DOCK8: variants seen among roughly 807,000 people sequenced by gnomAD.
DOCK8 encodes dedicator of cytokinesis protein 8.
DOCK8 carries 141 observed loss-of-function variants against 245.6 expected under a neutral mutation model. That is an observed-to-expected ratio of 0.57 (90% CI 0.50 to 0.66). DOCK8 has a LOEUF of 0.66. Ranked by LOEUF, DOCK8 falls within the 30% of genes least tolerant of loss-of-function variation. DOCK8 has a pLI of 0.00. For synonymous variants in DOCK8, 1,168 were observed against 970.2 expected (o/e 1.20, Z -3.79); for missense variants, 2,965 against 2,603.4 (o/e 1.14, Z -3.02).
chr9:420,280 T>C (rs1351741213), intron 30 of DOCK8, 121 bp from the exon 31 acceptor site: 9 of 1,068,006 alleles, frequency 8.4e-6, no homozygotes, highest in African/African-American at 1.6e-5. Context: ...AGCAGTGATG[T>C]ACAGTCATGG....
At chr9:447,808 AG>A (rs1358204781) in intron 44 of DOCK8, among the ~76,000 whole-genome samples, 2 of 152,212 alleles carry the variant, frequency 1.3e-5, no homozygotes, top group Non-Finnish European at 2.9e-5. Flanking sequence ...GTCATCCAGC[AG>A]GTAGTGTTCA....
chr9:425,761 GA>G lies in DOCK8; in HGVS notation c.4242-1107del, dbSNP rs375380501. Among the ~76,000 whole-genome samples the G allele has an allele frequency of 9.9e-3, 1,001 of 101,112 alleles. 5 individuals carry two copies. Among genetic ancestry groups the G allele is most frequent in the African/African-American group, 0.03 (814 of 27,418 alleles). The allele number at this position is 101,112 out of a possible 152,430, so 66.3% of individuals were successfully genotyped here. A position where few individuals can be genotyped will look rare whatever the true frequency, so the allele number is the denominator to read the frequency against. ...GATAGAGCAAGACCCTGTCTCTAAGGAAAAAAAAAAAAAAAAACTTTTAGAT... is the reference window on the plus strand; with the variant it reads ...GATAGAGCAAGACCCTGTCTCTAAGGAAAAAAAAAAAAAAAACTTTTAGAT... On this transcript the variant is annotated intron_variant, in intron 33 of 47. Coordinates refer to ENST00000432829, the MANE Select transcript of DOCK8 (RefSeq NM_203447.4).
chr9:330,419 T>C (rs1766459981), intron 9 of DOCK8, among the ~76,000 whole-genome samples: 1 of 152,144 alleles, frequency 6.6e-6, no homozygotes, highest in Non-Finnish European at 1.5e-5. Flanking sequence ...ATGTTAAATT[T>C]CCCATCTTAA....
At chr9:449,434 A>G (rs1181212341) in intron 44 of DOCK8, among the ~76,000 whole-genome samples, 1 of 152,154 alleles carries the variant, frequency 6.6e-6, no homozygotes, top group African/African-American at 2.4e-5. Context: ...AAAAACATGG[A>G]CTTTGAAGAT....
chr9:452,251 T>C, intron 46 of DOCK8, 134 bp downstream of exon 46: 1 of 647,910 alleles, frequency 1.5e-6, no homozygotes, highest in Non-Finnish European at 2.8e-6. Flanking sequence ...CCTGCTGAAT[T>C]GGAATCTCTG....
chr9:239,980 C>G (rs1362673100), intron 1 of DOCK8, among the ~76,000 whole-genome samples: 1 of 152,142 alleles, frequency 6.6e-6, no homozygotes, highest in Middle Eastern at 3.2e-3. Context: ...AAACAGTACA[C>G]CACTGAATAA....
At chr9:414,679 C>A in intron 28 of DOCK8, 103 bp from the exon 29 acceptor site, 1 of 1,414,736 alleles carries the variant, frequency 7.1e-7, no homozygotes, top group South Asian at 1.2e-5. Flanking sequence ...TTTTCACAGT[C>A]ACCTCATTGC....
At chr9:334,573 T>C (rs1563933523) in intron 11 of DOCK8, among the ~76,000 whole-genome samples, 189 bp downstream of exon 11, 1 of 152,170 alleles carries the variant, frequency 6.6e-6, no homozygotes, top group African/African-American at 2.4e-5. Flanking sequence ...AAAGAAATTA[T>C]CACGAACATT....
Position 399,211 on chromosome 9 carries a change from C to T in DOCK8, c.3186C>T (p.Leu1062=). The T allele has an allele frequency of 1.2e-6, 2 of 1,614,058 alleles. No homozygotes were observed. The highest frequency in any genetic ancestry group is 1.7e-6 in the Non-Finnish European group (2 of 1,180,000). The change falls in exon 26 of 48, where the codon CTC becomes CTT. Residue 1062 remains leucine, a synonymous_variant. Coordinates refer to ENST00000432829, the MANE Select transcript of DOCK8 (RefSeq NM_203447.4). ...TCTTCTTGTATGACCTTCTCTCCCT[C>T]ATGGATCGGGGCTTTGTGTTTAACC... ...LAFFLYDLLS[L]MDRGFVFNLI...
intron 5 of DOCK8, among the ~76,000 whole-genome samples, chr9:308,865 G>A (rs1219755598): frequency 2.6e-5 from 4 of 152,166 alleles, no homozygotes; most frequent in African/African-American, 9.7e-5. Flanking sequence ...CACCATGTTA[G>A]CCAGGATGGT....
In DOCK8 at chr9:242,979, A is replaced by AT. The variant is rs552332984; in HGVS notation, c.53+27954dup. Among the ~76,000 whole-genome samples, 39 of 152,268 alleles carry AT rather than the reference A, an allele frequency of 2.6e-4. No homozygotes were observed. The East Asian group carries it at 7.1e-3, about 28-fold the overall frequency. Reference sequence around the variant, plus strand: ...TCTCTTCATCGGAACTTGGAATATGATTTTAAGAGTTTTTTCTATCTTTTC... The same window carrying AT: ...TCTCTTCATCGGAACTTGGAATATGATTTTTAAGAGTTTTTTCTATCTTTTC... On this transcript the variant is annotated intron_variant, in intron 1 of 47. Transcript: ENST00000432829.
intron 14 of DOCK8, among the ~76,000 whole-genome samples, chr9:359,712 C>A (rs1062300): frequency 0.26 from 38,727 of 150,402 alleles, 5,145 homozygotes; most frequent in Middle Eastern, 0.31. Context: ...AAGCGCCAAC[C>A]TTTTCCTGTA....
chr9:220,228 G>A (rs917795303), intron 1 of DOCK8, among the ~76,000 whole-genome samples: 1 of 152,182 alleles, frequency 6.6e-6, no homozygotes, highest in Non-Finnish European at 1.5e-5. Context: ...CAGATTCTTG[G>A]AAAAGGTCCA....
At chr9:405,265 C>A (rs1243791246) in intron 27 of DOCK8, among the ~76,000 whole-genome samples, 192 bp downstream of exon 27, 1 of 152,158 alleles carries the variant, frequency 6.6e-6, no homozygotes, top group Non-Finnish European at 1.5e-5. Flanking sequence ...TAATTGGTTT[C>A]TCCCCAGGCT....
In DOCK8 at chr9:338,490, C is replaced by G. The variant is rs74453358; in HGVS notation, c.1423-516C>G. Among the ~76,000 whole-genome samples, 26 of 152,254 alleles carry G rather than the reference C, an allele frequency of 1.7e-4. 2 individuals are homozygous for G. In the East Asian group the frequency reaches 4.8e-3, roughly 28 times the overall value. ...GAATAAGACATATCTACCCACTTAC[C>G]TTACTGGGTTGTTGTAAGGATTGGA... On this transcript the variant is annotated intron_variant, in intron 12 of 47. Transcript: ENST00000432829.
intron 2 of DOCK8, among the ~76,000 whole-genome samples, chr9:286,205 A>G (rs1229313031): frequency 2.0e-5 from 3 of 152,206 alleles, no homozygotes; most frequent in Admixed American, 1.3e-4. Flanking sequence ...TCAAGTTGCA[A>G]TTAAGGAGAG....
Position 371,584 on chromosome 9 carries a change from T to C in DOCK8, c.2007+18T>C, listed in dbSNP as rs2053287332. On this transcript the variant is annotated intron_variant, in intron 17 of 47. Coordinates refer to ENST00000432829, the MANE Select transcript of DOCK8 (RefSeq NM_203447.4). ...GATATTCAGTGAGTTGTTTCCAGCC[T>C]GCTGACTCACACTGCAGTTGTTGGT... The C allele has an allele frequency of 6.2e-7, 1 of 1,614,120 alleles. No individual in the cohort carries two copies. The highest frequency in any genetic ancestry group is 8.5e-7 in the Non-Finnish European group (1 of 1,179,990).
chr9:338,999 T>C lies in DOCK8; in HGVS notation c.1423-7T>C. On this transcript the variant is annotated splice_polypyrimidine_tract_variant and splice_region_variant and intron_variant, in intron 12 of 47. Coordinates refer to ENST00000432829, the MANE Select transcript of DOCK8 (RefSeq NM_203447.4). ...ATCTACATTAACTCTGACTTTTCTCTTGGCAGGAAGGAGATCGCCTTAGCG... is the reference window on the plus strand; with the variant it reads ...ATCTACATTAACTCTGACTTTTCTCCTGGCAGGAAGGAGATCGCCTTAGCG... The C allele has an allele frequency of 6.2e-7, 1 of 1,613,950 alleles. No homozygotes were observed. The highest frequency in any genetic ancestry group is 8.5e-7 in the Non-Finnish European group (1 of 1,179,864).
chr9:253,782 C>T lies in DOCK8; in HGVS notation c.54-17845C>T, dbSNP rs115587133. ...AAGAAACAGGTTTTAGGATTTTTTC[C>T]CCTAAAATCTTATTCCTGTTAATTA... is the stretch of plus-strand genomic sequence containing the variant. On this transcript the variant is annotated intron_variant, in intron 1 of 47. Transcript: ENST00000432829. 3.1e-3 allele frequency among the ~76,000 whole-genome samples: 478 copies of T among 152,182 alleles called. 1 individual carries two copies. The highest frequency in any genetic ancestry group is 0.011 in the African/African-American group (466 of 41,536).
Sources: gnomAD v4.1 joint callset for allele counts (sites outside exome capture counted in the v4.1 genomes callset) on GRCh38, gnomAD v4.1.1 for gene constraint, MANE v1.5 for transcripts, NCBI Gene and HGNC (gene_info 2026-07-23, HGNC 2026-07-21) for gene names.